Variants in PTPRG observed in about 807,000 individuals in gnomAD.
PTPRG encodes receptor-type tyrosine-protein phosphatase gamma.
In PTPRG, 102 loss-of-function variants were observed where a neutral mutation model predicts 165.3. The ratio of observed to expected loss-of-function variants is 0.62; its 90% confidence interval spans 0.53 to 0.73. The LOEUF (loss-of-function observed/expected upper bound fraction) is 0.73. Among genes scored for constraint, PTPRG ranks in the 30% least tolerant of loss-of-function variants. PTPRG has a pLI of 0.00. For synonymous variants in PTPRG, 675 were observed against 669.5 expected, an observed-to-expected ratio of 1.01 and a Z score of -0.13; for missense variants, 1,866 against 1,861.4, an observed-to-expected ratio of 1.00 and a Z score of -0.05.
chr3:61,689,110 AT>A (rs1227602319), intron 1 of PTPRG, among the ~76,000 whole-genome samples: 1 of 152,226 alleles, frequency 6.6e-6, no homozygotes, highest in African/African-American at 2.4e-5. Context: ...TCTGGACTTT[AT>A]GCTCTAGGAA....
At chr3:61,597,909 CATT>C (rs1224705044) in intron 1 of PTPRG, among the ~76,000 whole-genome samples, 1 of 152,124 alleles carries the variant, frequency 6.6e-6, no homozygotes, top group African/African-American at 2.4e-5. Flanking sequence ...CAAAGCTAAA[CATT>C]ATTCTAGCAT....
chr3:61,853,386 C>A (rs572584844), intron 2 of PTPRG, among the ~76,000 whole-genome samples: 1 of 152,272 alleles, frequency 6.6e-6, no homozygotes, highest in African/African-American at 2.4e-5. Flanking sequence ...GCGGCTTCTG[C>A]CTTTGGGCTT....
intron 1 of PTPRG, among the ~76,000 whole-genome samples, chr3:61,666,902 T>C (rs1052797049): frequency 6.6e-6 from 1 of 152,196 alleles, no homozygotes; most frequent in East Asian, 1.9e-4. Flanking sequence ...TCAAAAATGG[T>C]GTAGAACAGT....
At chr3:61,808,178 TAAG>T (rs2035472012) in intron 2 of PTPRG, among the ~76,000 whole-genome samples, 1 of 152,202 alleles carries the variant, frequency 6.6e-6, no homozygotes, top group Non-Finnish European at 1.5e-5. Context: ...GAAGGAGACC[TAAG>T]AATCATCATC....
intron 1 of PTPRG, among the ~76,000 whole-genome samples, chr3:61,600,029 G>A (rs1401190502): frequency 6.6e-6 from 1 of 151,534 alleles, no homozygotes; most frequent in Non-Finnish European, 1.5e-5. Context: ...GTGTGGTGGT[G>A]TACACCTGTA....
chr3:62,143,035 C>T (rs1460486821), intron 6 of PTPRG, among the ~76,000 whole-genome samples: 1 of 152,222 alleles, frequency 6.6e-6, no homozygotes, highest in Non-Finnish European at 1.5e-5. Context: ...GTCTTCCTGA[C>T]TTCAGACTGG....
At chr3:62,132,690 C>G in intron 6 of PTPRG, 22 bp downstream of exon 6, 10 of 1,581,124 alleles carry the variant, frequency 6.3e-6, no homozygotes, top group Non-Finnish European at 8.7e-6. Flanking sequence ...ACATACACTT[C>G]CTTTTGCTGG....
rs544479081 is a variant in PTPRG at position 61,746,945 on chromosome 3, G to A, written c.86-1933G>A. Reference sequence around the variant, plus strand: ...AGGTGAGAAGATTGCATGAGCCCAGGAGTTTAAGATCAGCTACAAAAATAA... The same window carrying A: ...AGGTGAGAAGATTGCATGAGCCCAGAAGTTTAAGATCAGCTACAAAAATAA... On this transcript the variant is annotated intron_variant, in intron 1 of 29. Coordinates refer to ENST00000474889, the MANE Select transcript of PTPRG (RefSeq NM_002841.4). Among the ~76,000 whole-genome samples, 44 of 152,256 alleles carry A rather than the reference G, an allele frequency of 2.9e-4. No individual in the cohort carries two copies. In the South Asian group the frequency reaches 7.3e-3, roughly 25 times the overall value.
At chr3:61,589,947 T>G (rs544577014) in intron 1 of PTPRG, among the ~76,000 whole-genome samples, 59 of 152,042 alleles carry the variant, frequency 3.9e-4, no homozygotes, top group Non-Finnish European at 7.6e-4. Flanking sequence ...ACCCACAGTT[T>G]AGGGAATCTG....
intron 4 of PTPRG, among the ~76,000 whole-genome samples, chr3:62,077,004 A>G (rs1204018967): frequency 6.6e-6 from 1 of 152,210 alleles, no homozygotes; most frequent in Non-Finnish European, 1.5e-5. Context: ...AGTGGCTCAC[A>G]CTTGTAATCC....
chr3:62,013,921 G>C (rs759666846), intron 4 of PTPRG, among the ~76,000 whole-genome samples: 2 of 152,054 alleles, frequency 1.3e-5, no homozygotes, highest in Non-Finnish European at 2.9e-5. Context: ...TGGCTGGGGA[G>C]ACCTTTGTGC....
In PTPRG at chr3:62,288,944, C is replaced by T. The variant is rs574366131; in HGVS notation, c.4056-3477C>T. On this transcript the variant is annotated intron_variant, in intron 28 of 29. Transcript: ENST00000474889. ...CTATAATAAAAAGCTAAAAATAATA[C>T]ATATTTTAAAAGAAAGAAAATAAGC... Among the ~76,000 whole-genome samples, 44 of 152,190 alleles carry T rather than the reference C, an allele frequency of 2.9e-4. No homozygotes were observed. The South Asian group carries it at 8.9e-3, about 31-fold the overall frequency.
chr3:61,786,359 A>C (rs1349580343), intron 2 of PTPRG, among the ~76,000 whole-genome samples: 1 of 152,236 alleles, frequency 6.6e-6, no homozygotes, highest in Non-Finnish European at 1.5e-5. Flanking sequence ...CATGGGAAGC[A>C]CATGATACGA....
chr3:62,275,966 T>C lies in PTPRG; in HGVS notation c.3559T>C (p.Ser1187Pro). The change falls in exon 24 of 30, where the codon TCT becomes CCT. Residue 1187 changes from serine to proline, a missense_variant and splice_region_variant. Ser to Pro is a moderately conservative substitution (Grantham distance 74, BLOSUM62 -1). This residue lies in a region of PTPRG where 1,452 missense variants were observed against 1,463.0 expected (regional missense o/e 0.99). Coordinates refer to ENST00000474889, the MANE Select transcript of PTPRG (RefSeq NM_002841.4). ...GAACAGAAACTCTTCAGTTGTGCCA[T>C]GTAAGACTTTAAAACAGTTTGTTAG... ...EKNRNSSVVP[S>P]ERARVGLAPL... 3 of 1,599,304 alleles carry C rather than the reference T, an allele frequency of 1.9e-6. No individual in the cohort carries two copies. The highest frequency in any genetic ancestry group is 2.6e-6 in the Non-Finnish European group (3 of 1,168,032).
At chr3:61,927,325 G>T (rs2039244764) in intron 2 of PTPRG, among the ~76,000 whole-genome samples, 1 of 152,196 alleles carries the variant, frequency 6.6e-6, no homozygotes, top group South Asian at 2.1e-4. Flanking sequence ...CAACAGCTCT[G>T]TGCTTGCAGT....
intron 1 of PTPRG, among the ~76,000 whole-genome samples, chr3:61,691,378 G>T (rs948476390): frequency 1.3e-5 from 2 of 152,162 alleles, no homozygotes; most frequent in Non-Finnish European, 2.9e-5. Flanking sequence ...CTGCACTCCA[G>T]CCTGGGAGAC....
rs1701447126 is a variant in PTPRG at position 62,252,529 on chromosome 3, T to G, written c.2468-2595T>G. Among the ~76,000 whole-genome samples the G allele has an allele frequency of 6.6e-6, 1 of 152,304 alleles. No individual in the cohort carries two copies. Among genetic ancestry groups the G allele is most frequent in the Admixed American group, 6.5e-5 (1 of 15,292 alleles). ...CAATCTTTAATGAAACTCAGACATT[T>G]AGGTGGAGATAGCATGTTTTGGATG... On this transcript the variant is annotated intron_variant, in intron 15 of 29. Coordinates refer to ENST00000474889, the MANE Select transcript of PTPRG (RefSeq NM_002841.4). This position sits in a 1 kb window ranked among gnomAD's most constrained non-coding sequence, Gnocchi z 4.6.
At chr3:62,088,387 G>C (rs923502224) in intron 5 of PTPRG, among the ~76,000 whole-genome samples, 1 of 152,150 alleles carries the variant, frequency 6.6e-6, no homozygotes, top group Non-Finnish European at 1.5e-5. Context: ...AGGGCTATTT[G>C]GGTTATTTTC....
chr3:61,951,230 G>A (rs1026560693), intron 2 of PTPRG, among the ~76,000 whole-genome samples: 1 of 152,208 alleles, frequency 6.6e-6, no homozygotes, highest in East Asian at 1.9e-4. Context: ...AGAATTGGAA[G>A]TGGCAATCAC....
Sources: gnomAD v4.1 joint callset for allele counts (sites outside exome capture counted in the v4.1 genomes callset) on GRCh38, gnomAD v4.1.1 for gene constraint, gnomAD v4.1.1 regional missense constraint, Gnocchi (gnomAD v3.1) non-coding constraint, MANE v1.5 for transcripts, NCBI Gene and HGNC (gene_info 2026-07-23, HGNC 2026-07-21) for gene names.